The following TIAM1 variants were observed in gnomAD, a reference collection of about 807,000 sequenced individuals.
The protein encoded by TIAM1 is TIAM Rac1 associated GEF 1.
A neutral mutation model predicts 163.5 loss-of-function variants in TIAM1; 65 were observed. The observed-to-expected ratio is 0.40, with a 90% CI of 0.33 to 0.49. The LOEUF is 0.49. Among genes scored for constraint, TIAM1 ranks in the 20% least tolerant of loss-of-function variants. TIAM1 has a pLI of 0.77. For synonymous variants in TIAM1, 833 were observed against 810.1 expected, an observed-to-expected ratio of 1.03 and a Z score of -0.48; for missense variants, 1,789 against 2,044.7, an observed-to-expected ratio of 0.87 and a Z score of 2.41.
chr21:31,142,015 C>T (rs529237288), intron 20 of TIAM1, among the ~76,000 whole-genome samples: 2 of 152,238 alleles, frequency 1.3e-5, no homozygotes, highest in South Asian at 4.1e-4. Flanking sequence ...GGGGAGCACA[C>T]ATCTCGGCTT....
chr21:31,335,351 G>A (rs1450450747), intron 2 of TIAM1, among the ~76,000 whole-genome samples: 1 of 152,098 alleles, frequency 6.6e-6, no homozygotes. Flanking sequence ...AGACAATAAT[G>A]ACTTCAACAA....
intron 11 of TIAM1, among the ~76,000 whole-genome samples, chr21:31,206,081 A>T (rs935252713): frequency 2.0e-5 from 3 of 152,242 alleles, no homozygotes; most frequent in Non-Finnish European, 4.4e-5. Context: ...AATAAAAATC[A>T]GCACAAGCAG....
In TIAM1 at chr21:31,126,587, T is replaced by A. The variant is rs148095316; in HGVS notation, c.4133+478A>T. 9.6e-3 allele frequency among the ~76,000 whole-genome samples: 1,457 copies of A among 151,466 alleles called. 8 individuals carry two copies. The highest frequency in any genetic ancestry group is 0.021 in the South Asian group (101 of 4,812). ...GTTTCAATAAATAAATAAATAAATA[T>A]ATATATAAATAAAAGCATGATTCAA... On this transcript the variant is annotated intron_variant, in intron 26 of 27. Coordinates refer to ENST00000541036, the MANE Select transcript of TIAM1 (RefSeq NM_001353694.2).
intron 2 of TIAM1, among the ~76,000 whole-genome samples, chr21:31,335,702 C>A (rs1156589423): frequency 1.7e-5 from 2 of 118,476 alleles, no homozygotes. Flanking sequence ...GAGACTCTGT[C>A]TCCAAAAAAA....
chr21:31,487,227 T>A (rs114341661), intron 1 of TIAM1, among the ~76,000 whole-genome samples: 1 of 152,234 alleles, frequency 6.6e-6, no homozygotes, highest in Non-Finnish European at 1.5e-5. Flanking sequence ...CTGTTAGTCA[T>A]GAGCAGAGCC....
chr21:31,205,891 C>A (rs1160196331), intron 11 of TIAM1, among the ~76,000 whole-genome samples: 4 of 152,036 alleles, frequency 2.6e-5, no homozygotes, highest in African/African-American at 7.2e-5. Context: ...TTGCTTGAGC[C>A]TGGGAGGGCA....
rs182278109 is a variant in TIAM1, at chr21:31,408,650, C to T, written c.-369+55333G>A. ...TAGAAAATTCTGACACTCTCATCAA[C>T]GTGAATGGGGAGCAAATTCCTATTC... is the stretch of plus-strand genomic sequence containing the variant. On this transcript the variant is annotated intron_variant, in intron 2 of 28. Coordinates refer to the TIAM1 transcript ENST00000286827. 6.5e-4 allele frequency among the ~76,000 whole-genome samples: 99 copies of T among 152,338 alleles called. No individual in the cohort carries two copies. In the Middle Eastern group the frequency reaches 0.01, roughly 16 times the overall value.
chr21:31,130,766 T>C (rs111921235), intron 24 of TIAM1, 124 bp downstream of exon 24: 2 of 883,120 alleles, frequency 2.3e-6, no homozygotes, highest in African/African-American at 1.7e-5. Flanking sequence ...TCCTTAGCAA[T>C]GCTTAAGAAA....
intron 4 of TIAM1, among the ~76,000 whole-genome samples, chr21:31,264,044 G>A (rs887178825): frequency 2.0e-5 from 3 of 152,202 alleles, no homozygotes; most frequent in Non-Finnish European, 2.9e-5. Flanking sequence ...TTCAGGGAGT[G>A]CATCTGGAGG....
chr21:31,258,423 A>AAAG (rs1421721744), intron 4 of TIAM1, among the ~76,000 whole-genome samples: 1 of 152,222 alleles, frequency 6.6e-6, no homozygotes, highest in Non-Finnish European at 1.5e-5. Flanking sequence ...TCCTAGCTAT[A>AAAG]AAGCTTACAT....
chr21:31,224,037 T>A (rs1043907438), intron 7 of TIAM1, among the ~76,000 whole-genome samples: 5 of 151,994 alleles, frequency 3.3e-5, no homozygotes. Context: ...GAACACAGGG[T>A]GGAAGTGGAA....
chr21:31,280,667 A>T (rs991963771), intron 2 of TIAM1, among the ~76,000 whole-genome samples: 1 of 152,218 alleles, frequency 6.6e-6, no homozygotes, highest in Admixed American at 6.5e-5. Flanking sequence ...TGGGGCTGAG[A>T]AGTCCCACTG....
At chr21:31,476,831 G>C (rs1340451094) in intron 1 of TIAM1, among the ~76,000 whole-genome samples, 1 of 152,140 alleles carries the variant, frequency 6.6e-6, no homozygotes, top group Non-Finnish European at 1.5e-5. Flanking sequence ...AATGTTGCCG[G>C]CTGCTATGAA....
intron 2 of TIAM1, among the ~76,000 whole-genome samples, chr21:31,369,437 T>C (rs1164808497): frequency 1.3e-5 from 2 of 151,826 alleles, no homozygotes; most frequent in African/African-American, 4.8e-5. Flanking sequence ...TAAGGAAAGG[T>C]TGCTTAACAG....
At position 31,451,718 on chromosome 21, in the gene TIAM1, CGTGTGTGTGT is replaced by C. The variant is rs59110882; in HGVS notation, c.-369+12255_-369+12264del. Among the ~76,000 whole-genome samples, 773 of 142,262 alleles carry C rather than the reference CGTGTGTGTGT, an allele frequency of 5.4e-3. 12 individuals are homozygous for C. The highest frequency in any genetic ancestry group is 0.018 in the African/African-American group (690 of 38,382). 93.3% of individuals were successfully genotyped at this position (142,262 alleles called of 152,430 possible). A position where few individuals can be genotyped will look rare whatever the true frequency, so the allele number is the denominator to read the frequency against. On this transcript the variant is annotated intron_variant, in intron 2 of 28. Transcript: ENST00000286827. ...CAGGCTGAGTGAAAGCATGTGTGTGCGTGTGTGTGTGTGTGTGTGTGTGTGTGTGTGTGTG... is the reference window on the plus strand; with the variant it reads ...CAGGCTGAGTGAAAGCATGTGTGTGCGTGTGTGTGTGTGTGTGTGTGTGTG...
intron 2 of TIAM1, among the ~76,000 whole-genome samples, chr21:31,396,208 T>A (rs2077065613): frequency 6.6e-6 from 1 of 152,238 alleles, no homozygotes; most frequent in Non-Finnish European, 1.5e-5. Flanking sequence ...TTATGCCGAT[T>A]CCTACTGCCC....
At chr21:31,352,844 T>G (rs533054552) in intron 2 of TIAM1, among the ~76,000 whole-genome samples, 71 of 150,998 alleles carry the variant, frequency 4.7e-4, no homozygotes, top group African/African-American at 1.7e-3. Flanking sequence ...CACTGCACTG[T>G]AGCCTGGGCA....
rs71318260 is a variant in TIAM1 at position 31,213,866 on chromosome 21, C to CCAAAAAAAAAAAA, written c.2143-395_2143-394insTTTTTTTTTTTTG. Among the ~76,000 whole-genome samples, 171 of 54,806 alleles carry CCAAAAAAAAAAAA rather than the reference C, an allele frequency of 3.1e-3. 3 individuals carry two copies. Among genetic ancestry groups the CCAAAAAAAAAAAA allele is most frequent in the African/African-American group, 9.3e-3 (149 of 16,074 alleles). 36.0% of individuals were successfully genotyped at this position (54,806 alleles called of 152,430 possible). On this transcript the variant is annotated intron_variant, in intron 9 of 27. Transcript: ENST00000541036. Reference sequence around the variant, plus strand: ...GCAATATAGTTAGACCTCATCTCTACAAAAAAAAAAAAAAAAAAAGAATTA... The same window carrying CCAAAAAAAAAAAA: ...GCAATATAGTTAGACCTCATCTCTACCAAAAAAAAAAAAAAAAAAAAAAAAAAAAAAAGAATTA...
chr21:31,210,667 A>AAGAG lies in TIAM1; in HGVS notation c.2218-453_2218-452insCTCT, dbSNP rs766512313. ...AAAGAAAGAAAGAAAGAAAGAAAGA[A>AAGAG]AAAGAAAGAAAGAAAGAAAAAGAAA... On this transcript the variant is annotated intron_variant, in intron 10 of 27. Coordinates refer to ENST00000541036, the MANE Select transcript of TIAM1 (RefSeq NM_001353694.2). 9.5e-5 allele frequency among the ~76,000 whole-genome samples: 2 copies of AAGAG among 20,954 alleles called. 1 individual carries two copies. The highest frequency in any genetic ancestry group is 1.7e-3 in the East Asian group (2 of 1,208). 13.7% of individuals were successfully genotyped at this position (20,954 alleles called of 152,430 possible). A position where few individuals can be genotyped will look rare whatever the true frequency, so the allele number is the denominator to read the frequency against.
Sources: allele counts gnomAD v4.1 joint callset (sites outside exome capture counted in the v4.1 genomes callset), GRCh38; gene constraint gnomAD v4.1.1; transcripts MANE v1.5; gene names NCBI Gene and HGNC (gene_info 2026-07-23, HGNC 2026-07-21).